ELOVL7: variants seen among roughly 807,000 people sequenced by gnomAD.
ELOVL7 encodes the protein very long chain fatty acid elongase 7.
A neutral mutation model predicts 35.7 loss-of-function variants in ELOVL7; 27 were observed. The ratio of observed to expected loss-of-function variants is 0.76; its 90% CI spans 0.56 to 1.04. The LOEUF is 1.04. ELOVL7 is among the 50% of genes least tolerant of loss of function. ELOVL7 has a pLI of 0.00. For missense variants in ELOVL7, 327 were observed against 340.8 expected (o/e 0.96, Z 0.32); for synonymous variants, 113 against 114.6 (o/e 0.99, Z 0.09).
chr5:60,764,432 A>C, intron 6 of ELOVL7, 100 bp from the exon 7 acceptor site: 2 of 902,696 alleles, frequency 2.2e-6, no homozygotes, highest in Non-Finnish European at 3.5e-6. Context: ...TTCATATCAT[A>C]ATTTCCTCTA....
At chr5:60,784,336 C>A in intron 3 of ELOVL7, 1 of 434,698 alleles carries the variant, frequency 2.3e-6, no homozygotes, top group South Asian at 6.7e-5. Context: ...TCTGAAAAGT[C>A]ATCATTTCTA....
chr5:60,803,890 T>C (rs763170022), intron 1 of ELOVL7, among the ~76,000 whole-genome samples: 1 of 152,214 alleles, frequency 6.6e-6, no homozygotes, highest in Non-Finnish European at 1.5e-5. Context: ...CACTCCCTAC[T>C]ACTCCATTAT....
At chr5:60,761,071 G>A (rs1002149966) in intron 7 of ELOVL7, among the ~76,000 whole-genome samples, 41 of 152,000 alleles carry the variant, frequency 2.7e-4, no homozygotes, top group Non-Finnish European at 4.6e-4. Flanking sequence ...AATTAATAAT[G>A]TTTTTTGTAT....
intron 1 of ELOVL7, among the ~76,000 whole-genome samples, chr5:60,842,512 G>T (rs34099891): frequency 0.2 from 29,886 of 148,870 alleles, 3,548 homozygotes; most frequent in Non-Finnish European, 0.26. Flanking sequence ...AAAAAAAAGC[G>T]GGGGCAGGGG....
At position 60,752,355 on chromosome 5, in the gene ELOVL7, T is replaced by C. The variant is rs930081699; in HGVS notation, c.*2269A>G. On this transcript the variant is annotated 3_prime_UTR_variant, in exon 9 of 9. Coordinates refer to ENST00000508821, the MANE Select transcript of ELOVL7 (RefSeq NM_024930.3). ...TAGCTTATAGGCAAGTTAAACATTT[T>C]AAAGACTACAGGGAGGTTAGGAGAG... 6.5e-6 allele frequency: 1 copy of C among 152,692 alleles called. No individual in the cohort carries two copies. The highest frequency in any genetic ancestry group is 2.4e-5 in the African/African-American group (1 of 41,478). The allele number at this position is 152,692 out of a possible 1,614,324, so 9.5% of individuals were successfully genotyped here.
chr5:60,834,441 G>A (rs761565832), intron 1 of ELOVL7, among the ~76,000 whole-genome samples: 3 of 152,066 alleles, frequency 2.0e-5, no homozygotes, highest in Non-Finnish European at 1.5e-5. Flanking sequence ...CACTGCGCCC[G>A]ACCGGTTCAC....
At chr5:60,804,557 T>G (rs1744822928) in intron 1 of ELOVL7, among the ~76,000 whole-genome samples, 1 of 152,196 alleles carries the variant, frequency 6.6e-6, no homozygotes, top group African/African-American at 2.4e-5. Context: ...CAGATGATAG[T>G]GACCACTGGG....
chr5:60,811,563 A>T (rs1745237323), intron 1 of ELOVL7, among the ~76,000 whole-genome samples: 1 of 152,228 alleles, frequency 6.6e-6, no homozygotes, highest in Non-Finnish European at 1.5e-5. Context: ...GGGCCTGTAT[A>T]ACTCACACAA....
At chr5:60,818,319 GAAAAAAAAA>G (rs60141189) in intron 1 of ELOVL7, among the ~76,000 whole-genome samples, 26 of 70,578 alleles carry the variant, frequency 3.7e-4, no homozygotes, top group South Asian at 5.9e-4. Context: ...TTCCATCTCA[GAAAAAAAAA>G]AAAAAAAAAA....
chr5:60,765,799 A>C (rs906107461), intron 6 of ELOVL7, among the ~76,000 whole-genome samples: 1 of 152,232 alleles, frequency 6.6e-6, no homozygotes, highest in Non-Finnish European at 1.5e-5. Flanking sequence ...AAGCATATTG[A>C]GATTTCCTAC....
chr5:60,757,795 G>C (rs550582887), intron 7 of ELOVL7, 150 bp from the exon 8 acceptor site: 2 of 601,356 alleles, frequency 3.3e-6, no homozygotes, highest in Non-Finnish European at 5.4e-6. Flanking sequence ...TCAAATTAGA[G>C]GGGGCTGGAT....
chr5:60,799,483 T>C (rs1744462548), intron 1 of ELOVL7, among the ~76,000 whole-genome samples: 1 of 151,812 alleles, frequency 6.6e-6, no homozygotes, highest in Non-Finnish European at 1.5e-5. Flanking sequence ...AAATTGGAAA[T>C]GAAAGAAGAG....
intron 1 of ELOVL7, among the ~76,000 whole-genome samples, chr5:60,827,613 T>C (rs1191145856): frequency 6.6e-6 from 1 of 152,228 alleles, no homozygotes; most frequent in Non-Finnish European, 1.5e-5. Flanking sequence ...TGAGATTTCA[T>C]ACATTTGATG....
At chr5:60,788,893 T>C (rs1247696058) in intron 2 of ELOVL7, among the ~76,000 whole-genome samples, 1 of 152,140 alleles carries the variant, frequency 6.6e-6, no homozygotes, top group Non-Finnish European at 1.5e-5. Context: ...TAAAATTATA[T>C]ATGGCATATG....
chr5:60,784,867 G>T (rs1430756544), intron 3 of ELOVL7, among the ~76,000 whole-genome samples: 4 of 152,116 alleles, frequency 2.6e-5, no homozygotes, highest in African/African-American at 4.8e-5. Context: ...ATTATGTAAA[G>T]AAAACAATTT....
chr5:60,758,715 G>A (rs1741698384), intron 7 of ELOVL7, among the ~76,000 whole-genome samples: 1 of 152,192 alleles, frequency 6.6e-6, no homozygotes, highest in African/African-American at 2.4e-5. Flanking sequence ...GGGAAACGGT[G>A]TTTAGCTGAT....
chr5:60,773,999 T>G (rs975922479), intron 3 of ELOVL7, among the ~76,000 whole-genome samples: 3 of 152,230 alleles, frequency 2.0e-5, no homozygotes, highest in African/African-American at 7.2e-5. Flanking sequence ...TAATGTTCTG[T>G]GGAACACTAA....
At chr5:60,828,881 T>C (rs1478370334) in intron 1 of ELOVL7, among the ~76,000 whole-genome samples, 1 of 152,194 alleles carries the variant, frequency 6.6e-6, no homozygotes, top group African/African-American at 2.4e-5. Flanking sequence ...GTGGTGGTTT[T>C]TAAAAATGTT....
chr5:60,841,875 T>A (rs1043930174), intron 1 of ELOVL7, among the ~76,000 whole-genome samples: 3 of 152,216 alleles, frequency 2.0e-5, no homozygotes, highest in Non-Finnish European at 4.4e-5. Context: ...TTTGTGACAA[T>A]GGAGTGAACA....
Sources: gnomAD v4.1 joint callset for allele counts (sites outside exome capture counted in the v4.1 genomes callset) on GRCh38, gnomAD v4.1.1 for gene constraint, MANE v1.5 for transcripts, NCBI Gene and HGNC (gene_info 2026-07-23, HGNC 2026-07-21) for gene names.